The following INPP5K variants were observed in gnomAD, a reference collection of about 807,000 sequenced individuals.
INPP5K encodes inositol polyphosphate 5-phosphatase K.
INPP5K carries 35 observed loss-of-function variants against 53.5 expected under a neutral mutation model. That is an observed-to-expected ratio of 0.65 (90% CI 0.50 to 0.87). The LOEUF is 0.87. Among genes scored for constraint, INPP5K ranks in the 40% least tolerant of loss-of-function variants. The pLI is 0.00. For missense variants in INPP5K, 550 were observed against 586.2 expected (o/e 0.94, Z 0.64); for synonymous variants, 253 against 232.8 (o/e 1.09, Z -0.79).
intron 7 of INPP5K, among the ~76,000 whole-genome samples, chr17:1,503,364 T>G (rs1249344900): frequency 2.6e-5 from 4 of 151,952 alleles, no homozygotes; most frequent in African/African-American, 7.2e-5. Context: ...TTTTTTATTT[T>G]TAGTAGAGAC....
chr17:1,514,231 G>A (rs1037801530), intron 1 of INPP5K, among the ~76,000 whole-genome samples: 2 of 151,944 alleles, frequency 1.3e-5, no homozygotes, highest in African/African-American at 4.8e-5. Context: ...GCTGAGGCAG[G>A]AGAATTGCTT....
chr17:1,496,411 G>A lies in INPP5K; in HGVS notation c.1102-9C>T, dbSNP rs761735881. On this transcript the variant is annotated splice_polypyrimidine_tract_variant and intron_variant, in intron 9 of 11. Coordinates refer to ENST00000421807, the MANE Select transcript of INPP5K (RefSeq NM_016532.4). ...ACGTCCCGCAGCCCCACCTGTGAGG[G>A]GGAGTCAGGCCATCAGTGGTCAGGG... 1.3e-6 allele frequency: 2 copies of A among 1,555,782 alleles called. No homozygotes were observed. Among genetic ancestry groups the A allele is most frequent in the Non-Finnish European group, 1.7e-6 (2 of 1,149,258 alleles).
intron 5 of INPP5K, chr17:1,508,556 G>T: frequency 3.0e-6 from 1 of 333,342 alleles, no homozygotes; most frequent in Non-Finnish European, 5.7e-6. Flanking sequence ...CTGTTCCCAA[G>T]TGTTCAGGGT....
In INPP5K at chr17:1,507,031, A is replaced by G; in HGVS notation, c.725T>C (p.Leu242Pro). Residue 242 changes from leucine (L) to proline (P), a missense_variant, in exon 7 of 12, where the codon CTC (leucine) becomes CCC (proline). Leu to Pro is a moderately conservative substitution (Grantham distance 98). Transcript: ENST00000421807. ...LLREFQEGRLLFPPTYKFDRN... is the reference protein window; with the variant it reads ...LLREFQEGRLPFPPTYKFDRN... ...ATCAAACTTGTAGGTGGGCGGGAAG[A>G]GTAGGCGGCCCTCCTGGAACTCCCG... 2 of 1,614,046 alleles carry G rather than the reference A, an allele frequency of 1.2e-6. No homozygotes were observed. Among genetic ancestry groups the G allele is most frequent in the Non-Finnish European group, 1.7e-6 (2 of 1,179,992 alleles).
intron 7 of INPP5K, among the ~76,000 whole-genome samples, chr17:1,505,411 G>A (rs750397504): frequency 1.3e-5 from 2 of 152,028 alleles, no homozygotes; most frequent in Non-Finnish European, 1.5e-5. Flanking sequence ...GCTCCCACCA[G>A]GACTCTTGTT....
At chr17:1,508,537 G>C in intron 5 of INPP5K, 2 of 378,334 alleles carry the variant, frequency 5.3e-6, no homozygotes, top group Non-Finnish European at 9.9e-6. Context: ...GAGCCACAAG[G>C]TCCTTGACCT....
At chr17:1,514,993 G>A (rs1054694501) in intron 1 of INPP5K, among the ~76,000 whole-genome samples, 1 of 144,772 alleles carries the variant, frequency 6.9e-6, no homozygotes, top group Non-Finnish European at 1.5e-5. Flanking sequence ...CGCAGCCTCC[G>A]CCTCCCAGGT....
At chr17:1,496,574 G>A in intron 9 of INPP5K, 92 bp downstream of exon 9, 1 of 1,533,436 alleles carries the variant, frequency 6.5e-7, no homozygotes. Context: ...ATGAGGGTGA[G>A]TTCGTCAGCA....
At chr17:1,509,017 G>A in intron 5 of INPP5K, 161 bp downstream of exon 5, 1 of 634,346 alleles carries the variant, frequency 1.6e-6, no homozygotes, top group Non-Finnish European at 2.7e-6. Context: ...GTCAGCGTGG[G>A]GCAGAGGGCG....
chr17:1,498,341 C>G (rs1251214959), intron 7 of INPP5K: 8 of 435,554 alleles, frequency 1.8e-5, no homozygotes, highest in Non-Finnish European at 3.3e-5. Flanking sequence ...TAGCCAGGAC[C>G]CTCTGTATGT....
At chr17:1,505,668 C>T (rs1353188977) in intron 7 of INPP5K, among the ~76,000 whole-genome samples, 6 of 152,172 alleles carry the variant, frequency 3.9e-5, no homozygotes, top group Non-Finnish European at 1.5e-5. Context: ...TTTGGCTTTG[C>T]TGTAACACTT....
In INPP5K at chr17:1,506,924, GCAGGGTCAGTGTAA is replaced by G. The variant is rs945170028; in HGVS notation, c.776+42_776+55del. 39 of 1,203,646 alleles carry G rather than the reference GCAGGGTCAGTGTAA, an allele frequency of 3.2e-5. No homozygotes were observed. In the Admixed American group the frequency reaches 3.7e-4, roughly 11 times the overall value. 74.6% of individuals were successfully genotyped at this position (1,203,646 alleles called of 1,614,324 possible). A position where few individuals can be genotyped will look rare whatever the true frequency, so the allele number is the denominator to read the frequency against. On this transcript the variant is annotated intron_variant, in intron 7 of 11. Coordinates refer to ENST00000421807, the MANE Select transcript of INPP5K (RefSeq NM_016532.4). ...CTATTCTGAGACAGTTCCCATGCCA[GCAGGGTCAGTGTAA>G]CCTGACTTCCTAGACCTTCTGGCCC...
chr17:1,500,502 T>C (rs559419525), intron 7 of INPP5K, among the ~76,000 whole-genome samples: 30 of 152,232 alleles, frequency 2.0e-4, no homozygotes, highest in South Asian at 1.7e-3. Flanking sequence ...ATAGCTGGGA[T>C]TACAGGCGCC....
chr17:1,508,575 AAGAC>A (rs2075221039), intron 5 of INPP5K: 1 of 315,854 alleles, frequency 3.2e-6, no homozygotes, highest in Non-Finnish European at 6.0e-6. Flanking sequence ...GTTTCTAAGC[AAGAC>A]AGACGGGCTG....
chr17:1,501,858 A>C (rs1345060412), intron 7 of INPP5K, among the ~76,000 whole-genome samples: 8 of 147,734 alleles, frequency 5.4e-5, no homozygotes, highest in African/African-American at 7.5e-5. Flanking sequence ...CTCTACTAAA[A>C]ACACACACAC....
In INPP5K at chr17:1,509,343, C is replaced by A. The variant is rs1407760052; in HGVS notation, c.389G>T (p.Gly130Val). 2 of 1,613,274 alleles carry A rather than the reference C, an allele frequency of 1.2e-6. No individual in the cohort carries two copies. Among genetic ancestry groups the A allele is most frequent in the Admixed American group, 3.3e-5 (2 of 60,000 alleles). Residue 130 changes from glycine to valine, a missense_variant, in exon 5 of 12, where the codon GGT becomes GTT. Coordinates refer to ENST00000421807, the MANE Select transcript of INPP5K (RefSeq NM_016532.4). ...TGLFGYWGNK[G>V]GVNICLKLYG... ...AAGCTTCAGGCAGATGTTGACTCCA[C>A]CTTTGTTCCCCTGGTAGAACAGGTC...
intron 5 of INPP5K, chr17:1,508,440 T>C: frequency 1.8e-6 from 1 of 556,228 alleles, no homozygotes; most frequent in Non-Finnish European, 3.2e-6. Context: ...GAGCCTGCTC[T>C]GGCAAACACA....
chr17:1,494,876 C>T lies in INPP5K; in HGVS notation c.*947G>A, dbSNP rs902344059. On this transcript the variant is annotated 3_prime_UTR_variant, in exon 12 of 12. Coordinates refer to ENST00000421807, the MANE Select transcript of INPP5K (RefSeq NM_016532.4). The stretch of plus-strand genomic sequence containing the variant: ...CCCCTAGAGGGTGTTCTCTGAAGAA[C>T]CCCAGGGCCAGATCCTCCAAAATGT... 2.0e-5 allele frequency: 3 copies of T among 152,222 alleles called. No individual in the cohort carries two copies. Among genetic ancestry groups the T allele is most frequent in the African/African-American group, 7.2e-5 (3 of 41,440 alleles). 9.4% of individuals were successfully genotyped at this position (152,222 alleles called of 1,614,324 possible). A position where few individuals can be genotyped will look rare whatever the true frequency, so the allele number is the denominator to read the frequency against.
intron 7 of INPP5K, among the ~76,000 whole-genome samples, chr17:1,505,721 G>C (rs1435589983): frequency 6.6e-6 from 1 of 152,186 alleles, no homozygotes; most frequent in East Asian, 1.9e-4. Context: ...TGGTCTGGCT[G>C]TGGAGATATT....
Sources: allele counts gnomAD v4.1 joint callset (sites outside exome capture counted in the v4.1 genomes callset), GRCh38; gene constraint gnomAD v4.1.1; transcripts MANE v1.5; gene names NCBI Gene and HGNC (gene_info 2026-07-23, HGNC 2026-07-21).